PALLD: variants seen among roughly 807,000 people sequenced by gnomAD.
PALLD encodes the protein palladin, cytoskeletal associated protein, also known as palladin.
Under a neutral mutation model 123.5 loss-of-function variants are expected in PALLD, and 61 were observed. That is an observed-to-expected ratio of 0.49 (90% CI 0.40 to 0.61). The LOEUF (loss-of-function observed/expected upper bound fraction) is 0.61, where lower values mean the gene tolerates loss of function less well. Ranked by LOEUF, PALLD falls within the 20% of genes least tolerant of loss-of-function variation. The pLI, the probability that PALLD is intolerant of heterozygous loss-of-function variation, is 0.00. For missense variants in PALLD, 1,273 were observed against 1,377.0 expected (o/e 0.92, Z 1.20); for synonymous variants, 465 against 496.4 (o/e 0.94, Z 0.84).
intron 13 of PALLD, chr4:168,897,916 C>T (rs1566496): frequency 2.0e-5 from 3 of 151,632 alleles, no homozygotes; most frequent in African/African-American, 7.3e-5. Context: ...GCTGAGGAGG[C>T]GGCCCTTGCA....
At position 168,898,731 on chromosome 4, in the gene PALLD, A is replaced by T; in HGVS notation, c.2472+17A>T. 1 of 1,532,196 alleles carries T rather than the reference A, an allele frequency of 6.5e-7. No individual in the cohort carries two copies. Among genetic ancestry groups the T allele is most frequent in the Non-Finnish European group, 9.0e-7 (1 of 1,105,130 alleles). The allele number at this position is 1,532,196 out of a possible 1,614,324, so 94.9% of individuals were successfully genotyped here. A position where few individuals can be genotyped will look rare whatever the true frequency, so the allele number is the denominator to read the frequency against. On this transcript the variant is annotated intron_variant, in intron 14 of 21. Transcript: ENST00000505667. ...AAGCCAAAGGTGAGCTGGGAGATGG[A>T]GGCTTTTTAAGAGTCATTCTCTGAG...
intron 10 of PALLD, among the ~76,000 whole-genome samples, chr4:168,819,327 TTGTG>T (rs3046003): frequency 0.28 from 41,568 of 148,690 alleles, 5,783 homozygotes; most frequent in African/African-American, 0.34. Flanking sequence ...CCGAGACCAT[TTGTG>T]TGTGTGTGTG....
intron 10 of PALLD, among the ~76,000 whole-genome samples, chr4:168,824,523 A>G (rs970275409): frequency 6.6e-6 from 1 of 152,156 alleles, no homozygotes; most frequent in African/African-American, 2.4e-5. Flanking sequence ...AATTGACCAA[A>G]TTTTCTCAAA....
chr4:168,775,434 T>C (rs1019304436), intron 10 of PALLD, among the ~76,000 whole-genome samples: 1 of 152,172 alleles, frequency 6.6e-6, no homozygotes, highest in African/African-American at 2.4e-5. Flanking sequence ...TATTTATATA[T>C]TCTAGATACA....
At chr4:168,504,627 C>T (rs10517996) in intron 1 of PALLD, among the ~76,000 whole-genome samples, 46,098 of 150,362 alleles carry the variant, frequency 0.31, 7,551 homozygotes, top group East Asian at 0.6. Context: ...GGCTAATGAG[C>T]GTTTTAGGGA....
chr4:168,618,888 A>C (rs973745289), intron 2 of PALLD, among the ~76,000 whole-genome samples: 1 of 152,060 alleles, frequency 6.6e-6, no homozygotes, highest in Non-Finnish European at 1.5e-5. Context: ...AGTACAGTAC[A>C]TTTTTTCTTC....
rs1746534310 is a variant in PALLD, at chr4:168,844,628, G to A, written c.1965-46294G>A. The A allele has an allele frequency of 6.6e-6, 1 of 152,170 alleles. No homozygotes were observed. Among genetic ancestry groups the A allele is most frequent in the South Asian group, 2.1e-4 (1 of 4,828 alleles). The allele number at this position is 152,170 out of a possible 1,614,324, so 9.4% of individuals were successfully genotyped here. ...TTATCTGAGATTTATTAGAATATAT[G>A]AGGTGGAAAAAAAAGTTGTGCAACA... On this transcript the variant is annotated intron_variant, in intron 10 of 21. Transcript: ENST00000505667. The surrounding 1 kb of genome is among the most constrained non-coding windows in gnomAD (Gnocchi z 4.5).
At chr4:168,628,084 T>C (rs768694996) in intron 2 of PALLD, among the ~76,000 whole-genome samples, 25 of 152,240 alleles carry the variant, frequency 1.6e-4, no homozygotes, top group Non-Finnish European at 2.8e-4. Context: ...AAATTCAAAA[T>C]GTAAAATCCA....
At chr4:168,733,639 C>T (rs535284242) in intron 10 of PALLD, among the ~76,000 whole-genome samples, 1 of 152,104 alleles carries the variant, frequency 6.6e-6, no homozygotes, top group African/African-American at 2.4e-5. Flanking sequence ...GCTTTGTTGC[C>T]CAGGCTGGTT....
At chr4:168,859,129 G>A (rs770316502) in intron 10 of PALLD, among the ~76,000 whole-genome samples, 4 of 152,172 alleles carry the variant, frequency 2.6e-5, no homozygotes, top group Non-Finnish European at 4.4e-5. Flanking sequence ...GCTTTGCTCT[G>A]TTACATGACT....
At chr4:168,674,661 G>A (rs145824273) in intron 3 of PALLD, among the ~76,000 whole-genome samples, 2 of 152,270 alleles carry the variant, frequency 1.3e-5, no homozygotes, top group Admixed American at 1.3e-4. Context: ...TGTTGTCAGC[G>A]ATTTTAGCAA....
intron 2 of PALLD, among the ~76,000 whole-genome samples, chr4:168,579,437 G>A (rs1769995575): frequency 6.6e-6 from 1 of 152,046 alleles, no homozygotes; most frequent in African/African-American, 2.4e-5. Flanking sequence ...AAAAACATAG[G>A]AATACTCAAA....
chr4:168,562,637 G>A (rs935779254), intron 2 of PALLD, among the ~76,000 whole-genome samples: 1 of 152,148 alleles, frequency 6.6e-6, no homozygotes, highest in African/African-American at 2.4e-5. Context: ...AGAGGAAAGT[G>A]TTGCTGGAAA....
chr4:168,702,033 A>G lies in PALLD; in HGVS notation c.1502-6995A>G, dbSNP rs148297851. Among the ~76,000 whole-genome samples the G allele has an allele frequency of 5.2e-3, 798 of 152,332 alleles. 11 individuals are homozygous for G. The highest frequency in any genetic ancestry group is 0.018 in the African/African-American group (769 of 41,568). ...AGGACATATTGCCCTCCCCTTGTGC[A>G]GATGAATAATTCTCATGAATCATTT... On this transcript the variant is annotated intron_variant, in intron 8 of 21. Transcript: ENST00000505667.
At chr4:168,654,138 T>A (rs758203845) in intron 2 of PALLD, among the ~76,000 whole-genome samples, 8 of 152,172 alleles carry the variant, frequency 5.3e-5, no homozygotes, top group Non-Finnish European at 1.0e-4. Context: ...AAAATACACA[T>A]TTTTATTTGC....
chr4:168,616,216 C>T (rs913966480), intron 2 of PALLD, among the ~76,000 whole-genome samples: 6 of 152,084 alleles, frequency 3.9e-5, no homozygotes, highest in East Asian at 1.9e-4. Context: ...TATTTTGAAT[C>T]GCACAGAGAA....
At chr4:168,897,824 T>G (rs1755551301) in intron 13 of PALLD, among the ~76,000 whole-genome samples, 1 of 151,726 alleles carries the variant, frequency 6.6e-6, no homozygotes. Context: ...ATGGGTTGTT[T>G]TTTTTTTTTA....
chr4:168,627,674 G>C (rs562003530), intron 2 of PALLD, among the ~76,000 whole-genome samples: 1 of 152,240 alleles, frequency 6.6e-6, no homozygotes, highest in South Asian at 2.1e-4. Context: ...GAGATATCAA[G>C]AGCCAAGTCG....
chr4:168,645,446 T>C (rs1344329216), intron 2 of PALLD, among the ~76,000 whole-genome samples: 3 of 152,176 alleles, frequency 2.0e-5, no homozygotes, highest in Non-Finnish European at 2.9e-5. Flanking sequence ...GTGTCACTTA[T>C]CGGGCGGCAA....
Sources: gnomAD v4.1 joint callset for allele counts (sites outside exome capture counted in the v4.1 genomes callset) on GRCh38, gnomAD v4.1.1 for gene constraint, Gnocchi (gnomAD v3.1) non-coding constraint, MANE v1.5 for transcripts, NCBI Gene and HGNC (gene_info 2026-07-23, HGNC 2026-07-21) for gene names.